Variants in GNL3L observed in about 807,000 individuals in gnomAD.
GNL3L encodes G protein nucleolar 3 like.
A neutral mutation model predicts 42.9 loss-of-function variants in GNL3L; 4 were observed. The observed-to-expected ratio is 0.09, with a 90% CI of 0.05 to 0.21. GNL3L has a LOEUF of 0.21. GNL3L is among the 10% of genes least tolerant of loss of function. The pLI is 1.00. For synonymous variants in GNL3L, 159 were observed against 176.3 expected (o/e 0.90, Z 0.78); for missense variants, 412 against 481.7 (o/e 0.86, Z 1.36).
At chrX:54,596,126 T>C (rs1925927994) in intron 16 of GNL3L, among the ~76,000 whole-genome samples, 1 of 112,111 alleles carries the variant, frequency 8.9e-6, no homozygotes, top group African/African-American at 3.2e-5. Context: ...TTCATACTTG[T>C]ATATGTTCAT....
chrX:54,623,140 G>C (rs979892439), downstream of GNL3L, among the ~76,000 whole-genome samples: 2 of 112,140 alleles, frequency 1.8e-5, no homozygotes, highest in African/African-American at 6.5e-5. Context: ...TTTGAAATCA[G>C]GAAGTATGAG....
At chrX:54,533,226 A>G (rs902652605) in intron 2 of GNL3L, among the ~76,000 whole-genome samples, 7 of 109,976 alleles carry the variant, frequency 6.4e-5, no homozygotes, top group African/African-American at 2.3e-4. Context: ...AAGTTGTACT[A>G]GTGATTAAGA....
At chrX:54,592,827 A>C (rs1304202624) in intron 16 of GNL3L, among the ~76,000 whole-genome samples, 2 of 110,568 alleles carry the variant, frequency 1.8e-5, no homozygotes, top group South Asian at 3.8e-4. Context: ...AAAAAAAAAA[A>C]CAAAAAGATG....
At chrX:54,623,111 G>T (rs1488586446), downstream of GNL3L, among the ~76,000 whole-genome samples, 1 of 111,554 alleles carries the variant, frequency 9.0e-6, no homozygotes, top group Non-Finnish European at 1.9e-5. Context: ...ACACTGTTTG[G>T]ATCACTTTAG....
At chrX:54,605,648 A>T (rs1247649607) in intron 16 of GNL3L, among the ~76,000 whole-genome samples, 2 of 111,509 alleles carry the variant, frequency 1.8e-5, no homozygotes, top group Non-Finnish European at 3.8e-5. Flanking sequence ...GGTGAATGAA[A>T]TTATCTTGGG....
chrX:54,572,950 C>A (rs1312310700), intron 16 of GNL3L, among the ~76,000 whole-genome samples: 5 of 107,380 alleles, frequency 4.7e-5, no homozygotes, highest in African/African-American at 1.7e-4. Context: ...AGACGATGGG[C>A]GGCCAGGCAG....
chrX:54,576,808 A>T (rs925846780), intron 16 of GNL3L, among the ~76,000 whole-genome samples: 1 of 111,724 alleles, frequency 9.0e-6, no homozygotes, highest in African/African-American at 3.3e-5. Context: ...GAATTTATGT[A>T]TGCCATTAAA....
At chrX:54,552,102 G>T (rs1224289360) in intron 12 of GNL3L, 128 bp downstream of exon 12, 2 of 852,006 alleles carry the variant, frequency 2.3e-6, no homozygotes, top group Non-Finnish European at 3.3e-6. Context: ...TGGCCAAGGT[G>T]CCAGGTCATG....
chrX:54,568,798 C>T (rs1925503035), downstream of GNL3L, among the ~76,000 whole-genome samples: 1 of 112,273 alleles, frequency 8.9e-6, no homozygotes, highest in South Asian at 3.6e-4. Context: ...CATGATCCAT[C>T]TGCCTGGGCC....
chrX:54,570,806 T>C (rs1319001403), downstream of GNL3L, among the ~76,000 whole-genome samples: 2 of 111,960 alleles, frequency 1.8e-5, no homozygotes, highest in African/African-American at 3.2e-5. Flanking sequence ...ATTTTACTTG[T>C]AGATTTTATA....
chrX:54,546,140 C>T (rs12841722), intron 8 of GNL3L, among the ~76,000 whole-genome samples: 2,105 of 112,577 alleles, frequency 0.019, 21 homozygotes, highest in Non-Finnish European at 0.031. Flanking sequence ...AGATTACAGG[C>T]GTAAGCCACT....
chrX:54,562,518 T>C lies in GNL3L; in HGVS notation c.*1916T>C, dbSNP rs1315915076. On this transcript the variant is annotated 3_prime_UTR_variant, in exon 16 of 16. Coordinates refer to ENST00000360845, the MANE Select transcript of GNL3L (RefSeq NM_001184819.2). Reference sequence around the variant, plus strand: ...ATTCAGGGGCAACCAAAGGAGAGAATTACGTACTTGTTGAGTACAAACTGC... The same window carrying C: ...ATTCAGGGGCAACCAAAGGAGAGAACTACGTACTTGTTGAGTACAAACTGC... 9.0e-6 allele frequency among the ~76,000 whole-genome samples: 1 copy of C among 111,345 alleles called. No homozygotes were observed. The highest frequency in any genetic ancestry group is 1.9e-5 in the Non-Finnish European group (1 of 53,077).
chrX:54,618,655 G>C, intron 16 of GNL3L, among the ~76,000 whole-genome samples: 1 of 111,689 alleles, frequency 9.0e-6, no homozygotes, highest in Non-Finnish European at 1.9e-5. Flanking sequence ...CCAGTGCTTT[G>C]AGAGGCTGAG....
chrX:54,558,826 T>C (rs1372722356), intron 15 of GNL3L, among the ~76,000 whole-genome samples, 171 bp downstream of exon 15: 2 of 111,870 alleles, frequency 1.8e-5, no homozygotes, highest in African/African-American at 6.5e-5. Context: ...CCGGCTCATT[T>C]TTGTATTTTT....
intron 14 of GNL3L, among the ~76,000 whole-genome samples, chrX:54,556,692 T>A (rs990132336): frequency 9.0e-6 from 1 of 110,917 alleles, no homozygotes; most frequent in Non-Finnish European, 1.9e-5. Context: ...AGACAGACAC[T>A]GTTTTTGGTA....
intron 16 of GNL3L, among the ~76,000 whole-genome samples, chrX:54,600,555 T>G (rs956207523): frequency 1.8e-5 from 2 of 110,475 alleles, no homozygotes; most frequent in African/African-American, 6.6e-5. Context: ...TTCCTGTGAC[T>G]ACTCTGCTGG....
intron 16 of GNL3L, among the ~76,000 whole-genome samples, chrX:54,604,281 CATT>C (rs1342114137): frequency 2.7e-5 from 3 of 112,004 alleles, no homozygotes; most frequent in Non-Finnish European, 5.6e-5. Flanking sequence ...CTAAATAAAT[CATT>C]ATACTGTAGT....
the GNL3L span, among the ~76,000 whole-genome samples, chrX:54,632,278 C>T: frequency 0.023 from 2,610 of 111,458 alleles, 42 homozygotes; most frequent in Middle Eastern, 0.1. Flanking sequence ...ATGAATTTCC[C>T]AAGTGTTCTT....
chrX:54,624,808 T>G (rs1390245590), downstream of GNL3L, among the ~76,000 whole-genome samples: 1 of 100,306 alleles, frequency 1.0e-5, no homozygotes, highest in Non-Finnish European at 1.9e-5. Flanking sequence ...TTACATGGTC[T>G]CTTTTCTGTG....
Sources: allele counts gnomAD v4.1 joint callset (sites outside exome capture counted in the v4.1 genomes callset), GRCh38; gene constraint gnomAD v4.1.1; transcripts MANE v1.5; gene names NCBI Gene and HGNC (gene_info 2026-07-23, HGNC 2026-07-21).